Variants in ADCY2 observed in about 807,000 individuals in gnomAD.
The protein encoded by ADCY2 is adenylate cyclase type 2.
A neutral mutation model predicts 125.2 loss-of-function variants in ADCY2; 31 were observed. That is an observed-to-expected ratio of 0.25 (90% CI 0.19 to 0.33). The LOEUF is 0.33. Among genes scored for constraint, ADCY2 ranks in the 10% least tolerant of loss-of-function variants. The pLI, the probability that ADCY2 is intolerant of heterozygous loss-of-function variation, is 1.00. For missense variants in ADCY2, 904 were observed against 1,418.2 expected (o/e 0.64, Z 5.82); for synonymous variants, 512 against 548.4 (o/e 0.93, Z 0.93).
At chr5:7,693,818 G>A (rs1480571003) in intron 5 of ADCY2, among the ~76,000 whole-genome samples, 1 of 152,220 alleles carries the variant, frequency 6.6e-6, no homozygotes, top group Non-Finnish European at 1.5e-5. Context: ...TTTGTTCACT[G>A]TAAGCTTTGA....
chr5:7,645,314 G>A (rs1738857213), intron 4 of ADCY2, among the ~76,000 whole-genome samples: 1 of 152,184 alleles, frequency 6.6e-6, no homozygotes, highest in African/African-American at 2.4e-5. Context: ...TAAGTGGTGT[G>A]TTCCTGGATT....
intron 1 of ADCY2, among the ~76,000 whole-genome samples, chr5:7,413,454 C>T (rs1478714745): frequency 1.6e-4 from 23 of 148,214 alleles, no homozygotes; most frequent in Admixed American, 1.3e-3. Flanking sequence ...CCACCACGCG[C>T]GGCTAATTTT....
intron 1 of ADCY2, among the ~76,000 whole-genome samples, chr5:7,409,311 A>C (rs2126315965): frequency 6.6e-6 from 1 of 152,282 alleles, no homozygotes; most frequent in South Asian, 2.1e-4. Flanking sequence ...GTGATGAAAT[A>C]ATCTGTACAA....
chr5:7,405,964 A>T (rs35655859), intron 1 of ADCY2, among the ~76,000 whole-genome samples: 7,107 of 152,170 alleles, frequency 0.047, 201 homozygotes, highest in South Asian at 0.1. Flanking sequence ...GGCTCAAGTT[A>T]TCCTCCCATC....
intron 2 of ADCY2, among the ~76,000 whole-genome samples, chr5:7,502,980 C>T (rs562133216): frequency 9.2e-5 from 14 of 152,268 alleles, no homozygotes; most frequent in African/African-American, 2.4e-4. Flanking sequence ...GCACTCCCTG[C>T]GGATAATCTG....
chr5:7,513,563 A>T (rs1474236335), intron 2 of ADCY2, among the ~76,000 whole-genome samples: 1 of 152,224 alleles, frequency 6.6e-6, no homozygotes. Context: ...TGAGATATAG[A>T]TGACATCCAA....
At position 7,515,707 on chromosome 5, in the gene ADCY2, G is replaced by A. The variant is rs141534032; in HGVS notation, c.409-5031G>A. 2.8e-4 allele frequency among the ~76,000 whole-genome samples: 43 copies of A among 152,292 alleles called. No homozygotes were observed. In the East Asian group the frequency reaches 8.1e-3, roughly 29 times the overall value. ...GTGGTCATGGCTTGGTTCATATTAG[G>A]ATGTATAATAGTCTTTCCTGCAGAC... is the stretch of plus-strand genomic sequence containing the variant. On this transcript the variant is annotated intron_variant, in intron 2 of 24. Coordinates refer to ENST00000338316, the MANE Select transcript of ADCY2 (RefSeq NM_020546.3).
intron 10 of ADCY2, 124 bp from the exon 11 acceptor site, chr5:7,712,732 T>G (rs1171198660): frequency 2.9e-6 from 2 of 687,374 alleles, no homozygotes; most frequent in Non-Finnish European, 5.1e-6. Flanking sequence ...CATGAGTAAT[T>G]AATTATTTGT....
At chr5:7,826,175 G>A (rs749536462) in intron 24 of ADCY2, among the ~76,000 whole-genome samples, 1 of 152,006 alleles carries the variant, frequency 6.6e-6, no homozygotes, top group African/African-American at 2.4e-5. Flanking sequence ...TGACAGACGC[G>A]ACCATTGGCA....
intron 6 of ADCY2, among the ~76,000 whole-genome samples, chr5:7,697,371 C>T (rs922616148): frequency 1.1e-4 from 16 of 152,158 alleles, no homozygotes; most frequent in South Asian, 2.1e-4. Flanking sequence ...AGTGTGCCTT[C>T]GATATGAGTT....
At position 7,472,157 on chromosome 5, in the gene ADCY2, G is replaced by A. The variant is rs141572439; in HGVS notation, c.409-48581G>A. Among the ~76,000 whole-genome samples the A allele has an allele frequency of 2.6e-5, 4 of 152,158 alleles. No homozygotes were observed. The East Asian group carries it at 7.7e-4, about 29-fold the overall frequency. ...TCCTTATGGGATTCTGATCACATAG[G>A]TTAGGCTGCTTGGTATTGTTGCACA... On this transcript the variant is annotated intron_variant, in intron 2 of 24. Coordinates refer to ENST00000338316, the MANE Select transcript of ADCY2 (RefSeq NM_020546.3).
At chr5:7,545,917 G>C (rs931367268) in intron 3 of ADCY2, among the ~76,000 whole-genome samples, 3 of 152,126 alleles carry the variant, frequency 2.0e-5, no homozygotes, top group African/African-American at 7.2e-5. Flanking sequence ...TCTGCGCTGG[G>C]TGTGTGCAGA....
At chr5:7,691,039 A>G in intron 5 of ADCY2, 200 bp downstream of exon 5, 1 of 496,550 alleles carries the variant, frequency 2.0e-6, no homozygotes, top group Non-Finnish European at 3.2e-6. Flanking sequence ...AGAAAATAGG[A>G]TGCTGTTTGC....
chr5:7,466,746 A>T (rs1417351102), intron 2 of ADCY2, among the ~76,000 whole-genome samples: 2 of 152,190 alleles, frequency 1.3e-5, no homozygotes, highest in Non-Finnish European at 2.9e-5. Context: ...CATCATTTCA[A>T]ATTGAATCAG....
chr5:7,745,199 C>T (rs1742561035), intron 15 of ADCY2, among the ~76,000 whole-genome samples: 1 of 152,204 alleles, frequency 6.6e-6, no homozygotes, highest in Non-Finnish European at 1.5e-5. Context: ...TCCTGACCCC[C>T]ACGCTGTCCA....
At chr5:7,779,868 C>T (rs565165518) in intron 18 of ADCY2, among the ~76,000 whole-genome samples, 1 of 152,314 alleles carries the variant, frequency 6.6e-6, no homozygotes, top group South Asian at 2.1e-4. Flanking sequence ...ATTTCCAAGC[C>T]AACACAGTCA....
At chr5:7,417,537 A>C (rs905804847) in intron 2 of ADCY2, among the ~76,000 whole-genome samples, 1 of 152,200 alleles carries the variant, frequency 6.6e-6, no homozygotes, top group Non-Finnish European at 1.5e-5. Context: ...ACTTGATGGG[A>C]ACATGGAAGA....
intron 2 of ADCY2, among the ~76,000 whole-genome samples, chr5:7,497,798 C>A (rs1278138859): frequency 6.6e-6 from 1 of 151,960 alleles, no homozygotes; most frequent in Non-Finnish European, 1.5e-5. Flanking sequence ...TAATTTGGCA[C>A]AAGTTTCTTA....
chr5:7,763,186 CG>C (rs1467905650), intron 16 of ADCY2, among the ~76,000 whole-genome samples: 1 of 151,972 alleles, frequency 6.6e-6, no homozygotes, highest in African/African-American at 2.4e-5. Flanking sequence ...CTCCGCCTCC[CG>C]GGTTCACGCC....
Sources: allele counts gnomAD v4.1 joint callset (sites outside exome capture counted in the v4.1 genomes callset), GRCh38; gene constraint gnomAD v4.1.1; transcripts MANE v1.5; gene names NCBI Gene and HGNC (gene_info 2026-07-23, HGNC 2026-07-21).